The following DYM variants were observed in gnomAD, a reference collection of about 807,000 sequenced individuals.
The protein encoded by DYM is dyggve-Melchior-Clausen syndrome protein.
In DYM, 78 loss-of-function variants were observed where a neutral mutation model predicts 93.1. That is an observed-to-expected ratio of 0.84 (90% CI 0.70 to 1.01). The LOEUF (loss-of-function observed/expected upper bound fraction) is 1.01. Ranked by LOEUF, DYM falls within the 50% of genes least tolerant of loss-of-function variation. The pLI is 0.00. For synonymous variants in DYM, 321 were observed against 319.7 expected (o/e 1.00, Z -0.04); for missense variants, 789 against 845.0 (o/e 0.93, Z 0.82).
intron 17 of DYM, among the ~76,000 whole-genome samples, chr18:49,054,490 G>A (rs1053039667): frequency 3.9e-5 from 6 of 152,170 alleles, no homozygotes; most frequent in African/African-American, 9.7e-5. Flanking sequence ...TGATCTGCCC[G>A]CCTTGGCCTC....
At chr18:49,103,626 C>T (rs2145693559) in intron 16 of DYM, among the ~76,000 whole-genome samples, 1 of 152,294 alleles carries the variant, frequency 6.6e-6, no homozygotes, top group East Asian at 1.9e-4. Context: ...CAGCTTTCTA[C>T]ATATGGCTAG....
intron 16 of DYM, among the ~76,000 whole-genome samples, chr18:49,100,018 C>T (rs920707170): frequency 5.3e-5 from 8 of 152,150 alleles, no homozygotes; most frequent in Non-Finnish European, 4.4e-5. Context: ...ACATATACTA[C>T]ACTAAGCTTT....
chr18:49,300,389 C>A (rs1425299034), intron 8 of DYM, among the ~76,000 whole-genome samples: 2 of 151,918 alleles, frequency 1.3e-5, no homozygotes, highest in African/African-American at 4.8e-5. Context: ...TCCCTGAGCT[C>A]AGGAGTTTGA....
At chr18:49,153,935 T>TA (rs34624278) in intron 15 of DYM, among the ~76,000 whole-genome samples, 46 of 152,236 alleles carry the variant, frequency 3.0e-4, no homozygotes, top group Admixed American at 2.0e-3. Context: ...AAATTTACAG[T>TA]AAAAAACCCT....
intron 1 of DYM, among the ~76,000 whole-genome samples, chr18:49,443,117 G>A (rs779094215): frequency 1.8e-4 from 27 of 151,600 alleles, no homozygotes; most frequent in Non-Finnish European, 3.4e-4. Flanking sequence ...CAAAATGCCG[G>A]GATTATAGGC....
Position 49,040,824 on chromosome 18 carries a change from C to T in DYM, c.*3231G>A, listed in dbSNP as rs2070883468. Among the ~76,000 whole-genome samples the T allele has an allele frequency of 6.6e-6, 1 of 152,198 alleles. No homozygotes were observed. Among genetic ancestry groups the T allele is most frequent in the Admixed American group, 6.5e-5 (1 of 15,286 alleles). ...TCTACCACCCAATGCAAAACCCTGG[C>T]TCCCGGAATCTAAAGGACGAAATGT... On this transcript the variant is annotated 3_prime_UTR_variant, in exon 18 of 18. Coordinates refer to ENST00000675505, the MANE Select transcript of DYM (RefSeq NM_001353214.3).
At chr18:49,293,807 C>T (rs777956725) in intron 8 of DYM, among the ~76,000 whole-genome samples, 3 of 152,114 alleles carry the variant, frequency 2.0e-5, no homozygotes, top group Non-Finnish European at 4.4e-5. Flanking sequence ...TGTGCAGAAG[C>T]TCTTTAGTGT....
At chr18:49,278,374 C>A (rs913234175) in intron 10 of DYM, among the ~76,000 whole-genome samples, 2 of 152,138 alleles carry the variant, frequency 1.3e-5, no homozygotes, top group African/African-American at 2.4e-5. Context: ...AAGGGAAATA[C>A]CAGCCGAATC....
intron 13 of DYM, among the ~76,000 whole-genome samples, chr18:49,235,100 C>G (rs2093821696): frequency 6.6e-6 from 1 of 152,312 alleles, no homozygotes; most frequent in South Asian, 2.1e-4. Flanking sequence ...AAACCTGGAA[C>G]AGAGAAACCA....
intron 13 of DYM, among the ~76,000 whole-genome samples, chr18:49,243,858 A>G (rs1485237140): frequency 2.0e-5 from 3 of 152,132 alleles, no homozygotes; most frequent in Admixed American, 6.6e-5. Context: ...GATATCAGGC[A>G]GTAAGTTATG....
At chr18:49,376,108 T>C (rs2067485438) in intron 5 of DYM, among the ~76,000 whole-genome samples, 1 of 152,158 alleles carries the variant, frequency 6.6e-6, no homozygotes, top group Non-Finnish European at 1.5e-5. Flanking sequence ...CACTTCACGT[T>C]GTGATCATGT....
At chr18:49,280,986 A>C (rs2094958058) in intron 10 of DYM, among the ~76,000 whole-genome samples, 1 of 152,234 alleles carries the variant, frequency 6.6e-6, no homozygotes, top group Non-Finnish European at 1.5e-5. Context: ...TCTGCACAGC[A>C]AAAGAAACTA....
At position 49,197,191 on chromosome 18, in the gene DYM, T is replaced by C. The variant is rs1371533431; in HGVS notation, c.1625+12360A>G. Among the ~76,000 whole-genome samples the C allele has an allele frequency of 1.2e-4, 19 of 152,130 alleles. No homozygotes were observed. The East Asian group carries it at 3.3e-3, about 26-fold the overall frequency. ...CTCAGGACAGGACAAGGGCTCAGAG[T>C]TTCAGCTGGACTATCAATTTGGAAC... On this transcript the variant is annotated intron_variant, in intron 14 of 17. Transcript: ENST00000675505.
intron 1 of DYM, among the ~76,000 whole-genome samples, chr18:49,434,859 C>A (rs913917872): frequency 8.6e-5 from 13 of 151,340 alleles, no homozygotes; most frequent in African/African-American, 3.2e-4. Flanking sequence ...ACAACAACAA[C>A]AAAAAAAGCA....
rs1357856213 is a variant in DYM at position 49,440,928 on chromosome 18, A to AT, written c.-53-10482dup. Among the ~76,000 whole-genome samples, 16 of 2,528 alleles carry AT rather than the reference A, an allele frequency of 6.3e-3. 7 individuals carry two copies. Among genetic ancestry groups the AT allele is most frequent in the African/African-American group, 0.016 (14 of 886 alleles). The allele number at this position is 2,528 out of a possible 152,430, so 1.7% of individuals were successfully genotyped here. ...AAATATATTATATTTTATATAATAT[A>AT]TTATATAATATATAATATATTATAT... On this transcript the variant is annotated intron_variant, in intron 1 of 17. Coordinates refer to ENST00000675505, the MANE Select transcript of DYM (RefSeq NM_001353214.3).
chr18:49,109,076 T>C (rs1348905458), intron 16 of DYM, among the ~76,000 whole-genome samples: 1 of 152,216 alleles, frequency 6.6e-6, no homozygotes, highest in Non-Finnish European at 1.5e-5. Context: ...TTTTATCCTT[T>C]TGCTTTTAAC....
At chr18:49,371,476 T>C (rs2067039083) in intron 5 of DYM, among the ~76,000 whole-genome samples, 1 of 152,010 alleles carries the variant, frequency 6.6e-6, no homozygotes, top group African/African-American at 2.4e-5. Context: ...CTCAAAATAA[T>C]AATAATAATA....
intron 2 of DYM, among the ~76,000 whole-genome samples, chr18:49,420,783 A>G (rs1445539047): frequency 6.6e-6 from 1 of 152,124 alleles, no homozygotes; most frequent in Admixed American, 6.5e-5. Context: ...CGTGACAGAC[A>G]GCACCTGGAA....
chr18:49,379,867 C>A, intron 3 of DYM, 109 bp from the exon 4 acceptor site: 1 of 831,386 alleles, frequency 1.2e-6, no homozygotes, highest in South Asian at 1.4e-5. Context: ...GCTCAGTGAC[C>A]AACTTTACTG....
Sources: gnomAD v4.1 joint callset for allele counts (sites outside exome capture counted in the v4.1 genomes callset) on GRCh38, gnomAD v4.1.1 for gene constraint, MANE v1.5 for transcripts, NCBI Gene and HGNC (gene_info 2026-07-23, HGNC 2026-07-21) for gene names.